The following ARHGAP11A variants were observed in gnomAD, a reference collection of about 807,000 sequenced individuals.
ARHGAP11A encodes the protein rho GTPase-activating protein 11A.
In ARHGAP11A, 36 loss-of-function variants were observed where a neutral mutation model predicts 60.5. The observed-to-expected ratio is 0.59, with a 90% CI of 0.46 to 0.79. The LOEUF is 0.79. Among genes scored for constraint, ARHGAP11A ranks in the 30% least tolerant of loss-of-function variants. The pLI is 0.00. For missense variants in ARHGAP11A, 1,071 were observed against 1,199.2 expected, an observed-to-expected ratio of 0.89 and a Z score of 1.58; for synonymous variants, 362 against 415.5, an observed-to-expected ratio of 0.87 and a Z score of 1.57.
In ARHGAP11A at chr15:32,633,896, T is replaced by C. The variant is rs935281651; in HGVS notation, c.1236-37T>C. ...ATTTCAAGTATTTCTCTGGTGTTTA[T>C]ACTATAAACTGACATTTTTAATTCC... is the stretch of plus-strand genomic sequence containing the variant. On this transcript the variant is annotated intron_variant, in intron 9 of 11. Transcript: ENST00000361627. The C allele has an allele frequency of 3.7e-6, 5 of 1,337,002 alleles. No homozygotes were observed. The African/African-American group carries it at 4.4e-5, about 12-fold the overall frequency. 82.8% of individuals were successfully genotyped at this position (1,337,002 alleles called of 1,614,324 possible). A position where few individuals can be genotyped will look rare whatever the true frequency, so the allele number is the denominator to read the frequency against.
rs1173043886 is a variant in ARHGAP11A at position 32,636,106 on chromosome 15, A to G, written c.1484-151A>G. The G allele has an allele frequency of 4.3e-6, 6 of 1,392,188 alleles. No homozygotes were observed. In the South Asian group the frequency reaches 8.8e-5, roughly 21 times the overall value. The allele number at this position is 1,392,188 out of a possible 1,614,324, so 86.2% of individuals were successfully genotyped here. On this transcript the variant is annotated intron_variant, in intron 11 of 11. Transcript: ENST00000361627. The stretch of plus-strand genomic sequence containing the variant: ...AATGCTTATACATGTAAATATGAAA[A>G]TGTTTGACATTCTTATGTTAAAAAT...
At chr15:32,618,087 T>C (rs1039255606) in intron 1 of ARHGAP11A, among the ~76,000 whole-genome samples, 1 of 152,210 alleles carries the variant, frequency 6.6e-6, no homozygotes, top group Non-Finnish European at 1.5e-5. Context: ...GAAACACTTA[T>C]AAGAATATTC....
rs552477610 is a variant in ARHGAP11A, at chr15:32,618,863, A to T, written c.130-1245A>T. Among the ~76,000 whole-genome samples the T allele has an allele frequency of 5.6e-4, 84 of 150,246 alleles. 3 individuals are homozygous for T. The East Asian group carries it at 0.015, about 27-fold the overall frequency. ...GCTACTCGGGAAGCTGAGGCAGGAG[A>T]ATGGGTGAACCCGGGAGGCGGAGCT... is the stretch of plus-strand genomic sequence containing the variant. On this transcript the variant is annotated intron_variant, in intron 1 of 11. Transcript: ENST00000361627.
intron 2 of ARHGAP11A, among the ~76,000 whole-genome samples, chr15:32,621,730 C>T (rs1317163503): frequency 6.7e-6 from 1 of 150,262 alleles, no homozygotes; most frequent in African/African-American, 2.5e-5. Context: ...GAGGCTGAGG[C>T]AGGGGAATGG....
chr15:32,637,062 C>G lies in ARHGAP11A; in HGVS notation c.2289C>G (p.Phe763Leu). ...GCAAGGACGAGGCTAGATCCTCTTT[C>G]TCACAGCAGAGTACATGTGTTGTAA... ...AHSKDEARSS[F>L]SQQSTCVVTN... The change falls in exon 12 of 12, where the codon TTC (phenylalanine) becomes TTG (leucine). Residue 763 changes from phenylalanine to leucine, a missense_variant. Physicochemically the swap from Phe to Leu is conservative, Grantham distance 22. Transcript: ENST00000361627. 1 of 1,613,980 alleles carries G rather than the reference C, an allele frequency of 6.2e-7. No homozygotes were observed. The highest frequency in any genetic ancestry group is 8.5e-7 in the Non-Finnish European group (1 of 1,180,036).
At position 32,637,741 on chromosome 15, in the gene ARHGAP11A, C is replaced by T. The variant is rs765858845; in HGVS notation, c.2968C>T (p.Leu990Phe). The change falls in exon 12 of 12, where the codon CTT becomes TTT. Residue 990 changes from leucine to phenylalanine, a missense_variant. Transcript: ENST00000361627. ...GISSGINNRVLRRPSERGRAW... is the reference protein window; with the variant it reads ...GISSGINNRVFRRPSERGRAW... ...TTCTTCTGGGATAAATAACAGGGTC[C>T]TTAGGAGACCATCAGAAAGAGGAAG... 1 of 1,614,140 alleles carries T rather than the reference C, an allele frequency of 6.2e-7. No individual in the cohort carries two copies. Among genetic ancestry groups the T allele is most frequent in the Non-Finnish European group, 8.5e-7 (1 of 1,180,012 alleles).
chr15:32,631,501 C>T (rs1226252042), intron 8 of ARHGAP11A, among the ~76,000 whole-genome samples: 4 of 152,006 alleles, frequency 2.6e-5, no homozygotes, highest in African/African-American at 7.2e-5. Context: ...GGTTTCACCA[C>T]GTTGGCCAGG....
At chr15:32,627,305 A>T (rs1238125924) in intron 6 of ARHGAP11A, among the ~76,000 whole-genome samples, 1 of 151,882 alleles carries the variant, frequency 6.6e-6, no homozygotes, top group Non-Finnish European at 1.5e-5. Flanking sequence ...ATTTTCTTCT[A>T]ACAGCACCAC....
intron 2 of ARHGAP11A, among the ~76,000 whole-genome samples, chr15:32,622,013 C>A (rs1482270362): frequency 6.6e-6 from 1 of 152,306 alleles, no homozygotes; most frequent in Non-Finnish European, 1.5e-5. Flanking sequence ...GACAGTTTCC[C>A]CCCATTCATC....
chr15:32,627,602 G>A (rs1014667884), intron 6 of ARHGAP11A, among the ~76,000 whole-genome samples: 44 of 152,016 alleles, frequency 2.9e-4, no homozygotes, highest in African/African-American at 9.6e-4. Flanking sequence ...GGTGGCGGGC[G>A]CCTGTAGTCC....
intron 1 of ARHGAP11A, among the ~76,000 whole-genome samples, chr15:32,618,994 C>T (rs928884162): frequency 3.2e-4 from 48 of 152,292 alleles, no homozygotes; most frequent in African/African-American, 1.1e-3. Flanking sequence ...AGCCTACTCT[C>T]TTAAGCACTT....
At position 32,627,123 on chromosome 15, in the gene ARHGAP11A, T is replaced by C. The variant is rs575447436; in HGVS notation, c.862+1490T>C. On this transcript the variant is annotated intron_variant, in intron 6 of 11. Transcript: ENST00000361627. Reference sequence around the variant, plus strand: ...CAGTCCTGTAGTTTCAGTTATCACATCTAAATAGATAACCACCACATCTGT... The same window carrying C: ...CAGTCCTGTAGTTTCAGTTATCACACCTAAATAGATAACCACCACATCTGT... Among the ~76,000 whole-genome samples, 205 of 152,100 alleles carry C rather than the reference T, an allele frequency of 1.3e-3. 1 individual carries two copies. The highest frequency in any genetic ancestry group is 6.8e-3 in the Middle Eastern group (2 of 294).
rs1314271092 is a variant in ARHGAP11A at position 32,637,183 on chromosome 15, C to T, written c.2410C>T (p.His804Tyr). Residue 804 changes from histidine to tyrosine, a missense_variant, in exon 12 of 12, where the codon CAT (histidine) becomes TAT (tyrosine). Coordinates refer to ENST00000361627, the MANE Select transcript of ARHGAP11A (RefSeq NM_014783.6). The part of the protein sequence containing the change: ...TVSESSQMTE[H>Y]RKVSDHIQWF... ...TTCTGAAAGTTCACAAATGACAGAA[C>T]ATAGAAAGGTTTCTGATCACATACA... The T allele has an allele frequency of 6.2e-7, 1 of 1,614,004 alleles. No individual in the cohort carries two copies. The highest frequency in any genetic ancestry group is 1.3e-5 in the African/African-American group (1 of 74,932).
chr15:32,632,038 G>A lies in ARHGAP11A; in HGVS notation c.1106-941G>A, dbSNP rs555062976. On this transcript the variant is annotated intron_variant, in intron 8 of 11. Transcript: ENST00000361627. Reference sequence around the variant, plus strand: ...TAAAGCTACTTATGTCACTTTAGATGTATAATATTGGCTTCCAAAATTTTC... The same window carrying A: ...TAAAGCTACTTATGTCACTTTAGATATATAATATTGGCTTCCAAAATTTTC... Among the ~76,000 whole-genome samples the A allele has an allele frequency of 1.1e-3, 162 of 152,270 alleles. 1 individual carries two copies. The highest frequency in any genetic ancestry group is 3.7e-3 in the African/African-American group (155 of 41,546).
At chr15:32,628,211 G>A (rs1044940645) in intron 6 of ARHGAP11A, among the ~76,000 whole-genome samples, 1 of 152,154 alleles carries the variant, frequency 6.6e-6, no homozygotes, top group African/African-American at 2.4e-5. Flanking sequence ...TGGCATTAAA[G>A]GTCTTTCATA....
intron 10 of ARHGAP11A, 130 bp downstream of exon 10, chr15:32,634,171 T>C (rs189158233): frequency 2.7e-4 from 175 of 648,774 alleles, no homozygotes; most frequent in East Asian, 6.1e-4. Context: ...AAAACTCTTA[T>C]ACTTGAGTTG....
In ARHGAP11A at chr15:32,625,100, ACAG is replaced by A; in HGVS notation, c.578_580del (p.Ser193del). 1 of 1,613,934 alleles carries A rather than the reference ACAG, an allele frequency of 6.2e-7. No homozygotes were observed. Among genetic ancestry groups the A allele is most frequent in the Non-Finnish European group, 8.5e-7 (1 of 1,179,824 alleles). ...TTAAGATCCAGTGAGAATAAGATGGACAGCAGCAATCTTGCAGTAATATTTGCA... is the reference window on the plus strand; with the variant it reads ...TTAAGATCCAGTGAGAATAAGATGGACAGCAATCTTGCAGTAATATTTGCA... On this transcript the variant is annotated inframe_deletion, in exon 5 of 12. Transcript: ENST00000361627.
rs555394373 is a variant in ARHGAP11A at position 32,637,025 on chromosome 15, G to A, written c.2252G>A (p.Cys751Tyr). Residue 751 changes from cysteine to tyrosine, a missense_variant, in exon 12 of 12, where the codon TGT becomes TAT. Cys to Tyr is a radical substitution (Grantham distance 194). Transcript: ENST00000361627. ...ENMMEGNLPK[C>Y]AAHSKDEARS... The stretch of plus-strand genomic sequence containing the variant: ...ATGATGGAAGGTAACTTACCGAAGT[G>A]TGCAGCACATAGCAAGGACGAGGCT... 3 of 1,613,876 alleles carry A rather than the reference G, an allele frequency of 1.9e-6. No homozygotes were observed. The highest frequency in any genetic ancestry group is 2.2e-5 in the South Asian group (2 of 91,044).
At position 32,636,934 on chromosome 15, in the gene ARHGAP11A, G is replaced by A. The variant is rs200377132; in HGVS notation, c.2161G>A (p.Glu721Lys). The part of the protein sequence containing the change: ...YLSKQEFSSD[E>K]EIKKQQSPKD... The stretch of plus-strand genomic sequence containing the variant: ...AAGCAAGCAAGAATTCTCCAGTGAT[G>A]AAGAAATAAAGAAACAGCAGTCCCC... The change falls in exon 12 of 12, where the codon GAA becomes AAA. Residue 721 changes from glutamate (E) to lysine (K), a missense_variant. Coordinates refer to ENST00000361627, the MANE Select transcript of ARHGAP11A (RefSeq NM_014783.6). 1.2e-6 allele frequency: 2 copies of A among 1,611,192 alleles called. No homozygotes were observed. The highest frequency in any genetic ancestry group is 2.2e-5 in the East Asian group (1 of 44,858).
Sources: allele counts gnomAD v4.1 joint callset (sites outside exome capture counted in the v4.1 genomes callset), GRCh38; gene constraint gnomAD v4.1.1; transcripts MANE v1.5; gene names NCBI Gene and HGNC (gene_info 2026-07-23, HGNC 2026-07-21).